The following HNRNPUL1 variants were observed in gnomAD, a reference collection of about 807,000 sequenced individuals.
HNRNPUL1 encodes the protein heterogeneous nuclear ribonucleoprotein U like 1.
Under a neutral mutation model 108.5 loss-of-function variants are expected in HNRNPUL1, and 14 were observed. The observed-to-expected ratio is 0.13, with a 90% CI of 0.09 to 0.20. The LOEUF is 0.20. Ranked by LOEUF, HNRNPUL1 falls within the 10% of genes least tolerant of loss-of-function variation. The pLI, the probability that HNRNPUL1 is intolerant of heterozygous loss-of-function variation, is 1.00. For missense variants in HNRNPUL1, 804 were observed against 1,168.3 expected (o/e 0.69, Z 4.55); for synonymous variants, 422 against 445.2 (o/e 0.95, Z 0.66).
chr19:41,274,043 G>A lies in HNRNPUL1; in HGVS notation c.634G>A (p.Ala212Thr). The A allele has an allele frequency of 6.2e-7, 1 of 1,613,886 alleles. No individual in the cohort carries two copies. Among genetic ancestry groups the A allele is most frequent in the East Asian group, 2.2e-5 (1 of 44,890 alleles). The change falls in exon 4 of 15, where the codon GCT (alanine) becomes ACT (threonine). Residue 212 changes from alanine to threonine, a missense_variant. Physicochemically the swap from Ala to Thr is moderately conservative, Grantham distance 58. Transcript: ENST00000392006. The stretch of plus-strand genomic sequence containing the variant: ...AGATGACTTTGATGATACCCTTGTT[G>A]CTATTGACACCTGTAAGTCTTTGGA... ...DEDDFDDTLV[A>T]IDTYNCDLHF...
intron 2 of HNRNPUL1, 107 bp from the exon 3 acceptor site, chr19:41,271,975 A>T: frequency 7.8e-7 from 1 of 1,279,604 alleles, no homozygotes; most frequent in Non-Finnish European, 1.1e-6. Context: ...GCCCTTCATC[A>T]CTGTAGTGAG....
chr19:41,271,142 A>T (rs118189401), intron 2 of HNRNPUL1, among the ~76,000 whole-genome samples: 1,728 of 152,164 alleles, frequency 0.011, 15 homozygotes, highest in South Asian at 0.02. Context: ...TATCTGGTTG[A>T]TTTTGTCTAA....
chr19:41,287,492 T>C lies in HNRNPUL1; in HGVS notation c.1000-4753T>C, dbSNP rs141839596. Among the ~76,000 whole-genome samples the C allele has an allele frequency of 3.0e-3, 453 of 152,294 alleles. 16 individuals carry two copies. The South Asian group carries it at 0.079, about 27-fold the overall frequency. ...GGGATCATATTGCATTCTCTTGCCA[T>C]GTGTCTTTAGTTTCCTTTAGCCTGA... On this transcript the variant is annotated intron_variant, in intron 7 of 14. Coordinates refer to ENST00000392006, the MANE Select transcript of HNRNPUL1 (RefSeq NM_007040.6).
In HNRNPUL1 at chr19:41,304,118, C is replaced by T. The variant is rs752931436; in HGVS notation, c.2119C>T (p.Pro707Ser). 9 of 1,613,478 alleles carry T rather than the reference C, an allele frequency of 5.6e-6. No homozygotes were observed. The highest frequency in any genetic ancestry group is 8.5e-7 in the Non-Finnish European group (1 of 1,179,590). ...PPQQPPPPQP[P>S]PQQPPPPPSY... ...ACAGCAGCCTCCGCCACCACAGCCACCACCCCAGCAGCCACCGCCACCACC... is the reference window on the plus strand; with the variant it reads ...ACAGCAGCCTCCGCCACCACAGCCATCACCCCAGCAGCCACCGCCACCACC... Residue 707 changes from proline (P) to serine (S), a missense_variant, in exon 13 of 15, where the codon CCA (proline) becomes TCA (serine). Pro to Ser is a moderately conservative substitution (Grantham distance 74). This residue lies in a region of HNRNPUL1 where 294 missense variants were observed against 388.3 expected (regional missense o/e 0.76). Transcript: ENST00000392006.
intron 8 of HNRNPUL1, among the ~76,000 whole-genome samples, chr19:41,293,685 C>T (rs1026347135): frequency 5.9e-5 from 9 of 152,204 alleles, no homozygotes; most frequent in Non-Finnish European, 1.0e-4. Context: ...TTGCAGGGGG[C>T]GGGGAATGGG....
At chr19:41,283,148 C>A (rs1460517253) in intron 7 of HNRNPUL1, among the ~76,000 whole-genome samples, 2 of 152,206 alleles carry the variant, frequency 1.3e-5, no homozygotes, top group Non-Finnish European at 2.9e-5. Context: ...TCATCATTTA[C>A]TAGCATAAAA....
chr19:41,272,863 A>G (rs976190180), intron 3 of HNRNPUL1, among the ~76,000 whole-genome samples: 1 of 152,086 alleles, frequency 6.6e-6, no homozygotes, highest in African/African-American at 2.4e-5. Flanking sequence ...CCTCCAGACC[A>G]AGTCCTTCCC....
In HNRNPUL1 at chr19:41,276,013, G is replaced by T. The variant is rs541165696; in HGVS notation, c.647-146G>T. ...AGCTACTCAGGAAGCTGAGGCAAGA[G>T]AATCACTTGAACCCGGGAGGCGGAG... On this transcript the variant is annotated intron_variant, in intron 4 of 14. Transcript: ENST00000392006. The T allele has an allele frequency of 3.3e-6, 3 of 916,358 alleles. No individual in the cohort carries two copies. In the Admixed American group the frequency reaches 5.6e-5, roughly 17 times the overall value. 56.8% of individuals were successfully genotyped at this position (916,358 alleles called of 1,614,324 possible). A position where few individuals can be genotyped will look rare whatever the true frequency, so the allele number is the denominator to read the frequency against.
rs1039559284 is a variant in HNRNPUL1, at chr19:41,292,792, A to G, written c.1266+281A>G. Reference sequence around the variant, plus strand: ...AATAGGGGAAAAGGAGGCTTTTCTTACAGCAGAAAAGGACACTAGGCGCTT... The same window carrying G: ...AATAGGGGAAAAGGAGGCTTTTCTTGCAGCAGAAAAGGACACTAGGCGCTT... On this transcript the variant is annotated intron_variant, in intron 8 of 14. Transcript: ENST00000392006. The surrounding 1 kb of genome is among the most constrained non-coding windows in gnomAD (Gnocchi z 4.1). Among the ~76,000 whole-genome samples the G allele has an allele frequency of 3.3e-5, 5 of 152,186 alleles. No homozygotes were observed. Among genetic ancestry groups the G allele is most frequent in the African/African-American group, 1.2e-4 (5 of 41,458 alleles).
chr19:41,282,724 C>G (rs1302634351), intron 7 of HNRNPUL1, among the ~76,000 whole-genome samples: 1 of 143,934 alleles, frequency 6.9e-6, no homozygotes, highest in Non-Finnish European at 1.5e-5. Context: ...GAGTCTCGCT[C>G]TGTCGCCCAG....
At chr19:41,264,055 G>A (rs1393019685), upstream of HNRNPUL1, among the ~76,000 whole-genome samples, 1 of 152,232 alleles carries the variant, frequency 6.6e-6, no homozygotes, top group African/African-American at 2.4e-5. Flanking sequence ...CTCATTCTGA[G>A]ATCTTACCGT....
In HNRNPUL1 at chr19:41,302,919, G is replaced by A; in HGVS notation, c.1942G>A (p.Gly648Ser). Residue 648 changes from glycine to serine, a missense_variant, in exon 12 of 15, where the codon GGC becomes AGC. This residue lies in a region of HNRNPUL1 where 294 missense variants were observed against 388.3 expected (regional missense o/e 0.76). Coordinates refer to ENST00000392006, the MANE Select transcript of HNRNPUL1 (RefSeq NM_007040.6). ...NRGGFQNRGG[G>S]SGGGGNYRGG... is the part of the protein sequence containing the mutation. ...TGGCGGCTTCCAGAACCGAGGGGGA[G>A]GCAGCGGTGGAGGAGGCAACTACCG... is the stretch of plus-strand genomic sequence containing the variant. 1 of 1,530,636 alleles carries A rather than the reference G, an allele frequency of 6.5e-7. No homozygotes were observed. The highest frequency in any genetic ancestry group is 1.3e-5 in the South Asian group (1 of 77,476). 94.8% of individuals were successfully genotyped at this position (1,530,636 alleles called of 1,614,324 possible).
At chr19:41,273,354 G>C (rs1369729386) in intron 3 of HNRNPUL1, among the ~76,000 whole-genome samples, 1 of 152,220 alleles carries the variant, frequency 6.6e-6, no homozygotes, top group Non-Finnish European at 1.5e-5. Context: ...CACCCAGACT[G>C]TCCAGGCAGG....
intron 2 of HNRNPUL1, among the ~76,000 whole-genome samples, chr19:41,270,500 T>C (rs1489425565): frequency 1.3e-5 from 2 of 152,044 alleles, no homozygotes; most frequent in African/African-American, 4.8e-5. Flanking sequence ...ACAAAAAACC[T>C]TGTGTTGTAT....
In HNRNPUL1 at chr19:41,264,636, G is replaced by C. The variant is rs763695783; in HGVS notation, c.133G>C (p.Glu45Gln). 1.9e-6 allele frequency: 3 copies of C among 1,585,268 alleles called. No individual in the cohort carries two copies. The highest frequency in any genetic ancestry group is 1.1e-5 in the South Asian group (1 of 89,324). Residue 45 changes from glutamate (E) to glutamine (Q), a missense_variant, in exon 1 of 15, where the codon GAG (glutamate) becomes CAG (glutamine). Physicochemically the swap from Glu to Gln is conservative, Grantham distance 29. Coordinates refer to ENST00000392006, the MANE Select transcript of HNRNPUL1 (RefSeq NM_007040.6). ...AALEAEEPDD[E>Q]RELDADDEPG... ...GTTGGAGGCCGAGGAGCCTGACGAC[G>C]AGCGGGAGCTCGACGCCGACGACGA... is the stretch of plus-strand genomic sequence containing the variant.
intron 7 of HNRNPUL1, among the ~76,000 whole-genome samples, chr19:41,282,506 A>T (rs1442597139): frequency 2.0e-5 from 3 of 151,942 alleles, no homozygotes; most frequent in Non-Finnish European, 2.9e-5. Context: ...TAACTTTGAG[A>T]TAAATTCAAA....
In HNRNPUL1 at chr19:41,264,453, G is replaced by A; in HGVS notation, c.-51G>A. ...TGACAGGAAAGGTTTAAGGGGGACA[G>A]AGCCCTGGGAGGCCGGGCCGGGCTC... On this transcript the variant is annotated 5_prime_UTR_variant, in exon 1 of 15. Transcript: ENST00000392006. 1 of 1,325,088 alleles carries A rather than the reference G, an allele frequency of 7.5e-7. No homozygotes were observed. Among genetic ancestry groups the A allele is most frequent in the South Asian group, 1.9e-5 (1 of 52,604 alleles). The allele number at this position is 1,325,088 out of a possible 1,614,324, so 82.1% of individuals were successfully genotyped here.
chr19:41,269,246 A>G (rs567799897), intron 2 of HNRNPUL1, among the ~76,000 whole-genome samples: 84 of 152,170 alleles, frequency 5.5e-4, no homozygotes, highest in Non-Finnish European at 4.7e-4. Flanking sequence ...TAGTAGGATC[A>G]TTTGAGACCA....
chr19:41,301,440 T>C (rs182230701), intron 10 of HNRNPUL1, 96 bp from the exon 11 acceptor site: 8 of 987,162 alleles, frequency 8.1e-6, no homozygotes, highest in Middle Eastern at 2.3e-4. Flanking sequence ...AGCACTGATA[T>C]CCTTTTCTCA....
Sources: allele counts gnomAD v4.1 joint callset (sites outside exome capture counted in the v4.1 genomes callset), GRCh38; gene constraint gnomAD v4.1.1; regional missense constraint gnomAD v4.1.1; non-coding constraint Gnocchi (gnomAD v3.1); transcripts MANE v1.5; gene names NCBI Gene and HGNC (gene_info 2026-07-23, HGNC 2026-07-21).